Variants in SLIT3 observed in about 807,000 individuals in gnomAD.
SLIT3 encodes the protein slit homolog 3 protein.
Under a neutral mutation model 184.0 loss-of-function variants are expected in SLIT3, and 68 were observed. The observed-to-expected ratio is 0.37, with a 90% confidence interval of 0.30 to 0.45. The LOEUF is 0.45. SLIT3 is among the 20% of genes least tolerant of loss of function. The pLI, the probability that SLIT3 is intolerant of heterozygous loss-of-function variation, is 1.00. For missense variants in SLIT3, 1,707 were observed against 2,026.0 expected (o/e 0.84, Z 3.02); for synonymous variants, 831 against 828.6 (o/e 1.00, Z -0.05).
rs60056409 is a variant in SLIT3 at position 169,229,642 on chromosome 5, TTCTCTCTCTC to T, written c.341+15053_341+15062del. 2.1e-3 allele frequency among the ~76,000 whole-genome samples: 317 copies of T among 148,324 alleles called. 2 individuals carry two copies. The highest frequency in any genetic ancestry group is 7.4e-3 in the African/African-American group (300 of 40,442). On this transcript the variant is annotated intron_variant, in intron 3 of 35. Transcript: ENST00000519560. The stretch of plus-strand genomic sequence containing the variant: ...AAAGCGTACTTAGTCAAATAAATTC[TTCTCTCTCTC>T]TCTCTCTCTCTCTCTCTCCTTATTC...
At chr5:169,264,063 C>CA (rs147340057) in intron 1 of SLIT3, among the ~76,000 whole-genome samples, 14,365 of 150,634 alleles carry the variant, frequency 0.095, 839 homozygotes, top group Admixed American at 0.21. Context: ...TCCTACCTTC[C>CA]AAAAAAAACC....
Position 168,885,658 on chromosome 5 carries a change from G to A in SLIT3, c.414-2322C>T, listed in dbSNP as rs114479082. 8.5e-3 allele frequency among the ~76,000 whole-genome samples: 1,296 copies of A among 152,292 alleles called. 20 individuals are homozygous for A. Among genetic ancestry groups the A allele is most frequent in the African/African-American group, 0.03 (1,248 of 41,566 alleles). ...GCTCTCTCTGGCGGCTCTGGAAGAT[G>A]AGCCCCAGTCACACTTTTGGAAAAT... is the stretch of plus-strand genomic sequence containing the variant. On this transcript the variant is annotated intron_variant, in intron 4 of 35. Coordinates refer to ENST00000519560, the MANE Select transcript of SLIT3 (RefSeq NM_003062.4).
At chr5:168,815,831 G>A (rs1180945415) in intron 8 of SLIT3, among the ~76,000 whole-genome samples, 5 of 152,168 alleles carry the variant, frequency 3.3e-5, no homozygotes, top group Admixed American at 6.5e-5. Context: ...CCCATGCTGG[G>A]CCCGGTAAAC....
chr5:169,143,873 T>C (rs138033947), intron 4 of SLIT3, among the ~76,000 whole-genome samples: 2 of 152,084 alleles, frequency 1.3e-5, no homozygotes, highest in East Asian at 3.9e-4. Context: ...AGAGAGAAAG[T>C]GAGAGAGCAC....
chr5:168,951,477 G>T (rs570256234), intron 4 of SLIT3, among the ~76,000 whole-genome samples: 2 of 152,148 alleles, frequency 1.3e-5, no homozygotes, highest in South Asian at 4.2e-4. Flanking sequence ...TTCTGCAAGA[G>T]ACTAGCACCA....
intron 26 of SLIT3, among the ~76,000 whole-genome samples, chr5:168,705,916 G>A (rs1055613269): frequency 6.6e-6 from 1 of 152,196 alleles, no homozygotes; most frequent in African/African-American, 2.4e-5. Context: ...CATCTCATAA[G>A]CTGATTATAA....
intron 4 of SLIT3, among the ~76,000 whole-genome samples, chr5:168,920,354 T>A (rs1761595292): frequency 6.6e-6 from 1 of 152,122 alleles, no homozygotes; most frequent in Non-Finnish European, 1.5e-5. Context: ...ATCTACAGAC[T>A]TCACCGGGTG....
intron 4 of SLIT3, among the ~76,000 whole-genome samples, chr5:168,900,159 G>A (rs76373548): frequency 6.6e-6 from 1 of 152,198 alleles, no homozygotes; most frequent in African/African-American, 2.4e-5. Flanking sequence ...AGGATGCAGA[G>A]GTAAGGGAGC....
chr5:169,067,841 C>T lies in SLIT3; in HGVS notation c.413+125638G>A, dbSNP rs143740604. Among the ~76,000 whole-genome samples the T allele has an allele frequency of 2.8e-3, 420 of 152,290 alleles. 2 individuals carry two copies. The highest frequency in any genetic ancestry group is 9.8e-3 in the African/African-American group (408 of 41,552). On this transcript the variant is annotated intron_variant, in intron 4 of 35. Coordinates refer to ENST00000519560, the MANE Select transcript of SLIT3 (RefSeq NM_003062.4). ...AACTCAAAATAGCTGCTCTGCTATG[C>T]ACAGCAAAGAAAAAGAGACAGGCTT...
At chr5:168,781,500 G>A (rs140830896) in intron 12 of SLIT3, among the ~76,000 whole-genome samples, 38 of 152,244 alleles carry the variant, frequency 2.5e-4, no homozygotes, top group African/African-American at 5.5e-4. Context: ...AGAACGCATC[G>A]CCAAGTCAGT....
At chr5:168,783,342 C>T (rs534858370) in intron 12 of SLIT3, among the ~76,000 whole-genome samples, 8 of 152,118 alleles carry the variant, frequency 5.3e-5, no homozygotes, top group South Asian at 2.1e-4. Flanking sequence ...AGGAACACAC[C>T]GAGAAAAGCT....
At chr5:168,769,700 C>G (rs906207597) in intron 14 of SLIT3, among the ~76,000 whole-genome samples, 1 of 152,172 alleles carries the variant, frequency 6.6e-6, no homozygotes, top group Non-Finnish European at 1.5e-5. Flanking sequence ...CCATCCTGTT[C>G]GTGCAAACCG....
chr5:169,292,300 G>A (rs756636205), intron 1 of SLIT3, among the ~76,000 whole-genome samples: 20 of 152,160 alleles, frequency 1.3e-4, no homozygotes, highest in Non-Finnish European at 1.9e-4. Flanking sequence ...ACATACATGC[G>A]TCATATCCTG....
At chr5:169,110,032 C>T (rs372346520) in intron 4 of SLIT3, among the ~76,000 whole-genome samples, 177 of 152,278 alleles carry the variant, frequency 1.2e-3, no homozygotes, top group African/African-American at 3.8e-3. Context: ...TGGAGCATTA[C>T]ACTTGTAGAT....
intron 8 of SLIT3, among the ~76,000 whole-genome samples, chr5:168,806,971 C>T (rs910822499): frequency 2.0e-5 from 3 of 152,154 alleles, no homozygotes; most frequent in Non-Finnish European, 4.4e-5. Flanking sequence ...TGAGTGTAAA[C>T]ATAGCTTTTA....
At chr5:169,075,338 A>C (rs1758698961) in intron 4 of SLIT3, among the ~76,000 whole-genome samples, 1 of 152,202 alleles carries the variant, frequency 6.6e-6, no homozygotes, top group African/African-American at 2.4e-5. Context: ...AGCAACAACA[A>C]TAAAGTACAT....
At chr5:168,863,394 T>C (rs1047381337) in intron 5 of SLIT3, among the ~76,000 whole-genome samples, 1 of 152,228 alleles carries the variant, frequency 6.6e-6, no homozygotes, top group Non-Finnish European at 1.5e-5. Context: ...GCAAATTCAT[T>C]TTCCAAAGGT....
chr5:169,199,375 G>A (rs1763845311), intron 3 of SLIT3, among the ~76,000 whole-genome samples: 1 of 152,166 alleles, frequency 6.6e-6, no homozygotes, highest in South Asian at 2.1e-4. Context: ...GGTATGAAAA[G>A]TCGCTCCAGG....
At chr5:169,242,274 T>G (rs535498351) in intron 3 of SLIT3, among the ~76,000 whole-genome samples, 1 of 152,300 alleles carries the variant, frequency 6.6e-6, no homozygotes, top group East Asian at 1.9e-4. Flanking sequence ...CCCAGCTGCC[T>G]GTGTTTCTAA....
Sources: gnomAD v4.1 joint callset for allele counts (sites outside exome capture counted in the v4.1 genomes callset) on GRCh38, gnomAD v4.1.1 for gene constraint, MANE v1.5 for transcripts, NCBI Gene and HGNC (gene_info 2026-07-23, HGNC 2026-07-21) for gene names.